The following NR2F1-AS1 variants were observed in gnomAD, a reference collection of about 807,000 sequenced individuals.
NR2F1-AS1 encodes the protein NR2F1 antisense RNA 1.
chr5:93,433,593 A>T (rs375657573), intron 4 of NR2F1-AS1, among the ~76,000 whole-genome samples: 2 of 152,166 alleles, frequency 1.3e-5, no homozygotes, highest in East Asian at 3.9e-4. Context: ...ACTTATACAA[A>T]CCTATGACAT....
At chr5:93,556,383 T>C (rs1440296221) in intron 2 of NR2F1-AS1, among the ~76,000 whole-genome samples, 2 of 152,200 alleles carry the variant, frequency 1.3e-5, no homozygotes, top group Admixed American at 6.5e-5. Flanking sequence ...CACATATCAT[T>C]ATTCCAACGT....
intron 4 of NR2F1-AS1, among the ~76,000 whole-genome samples, chr5:93,420,088 C>T (rs772672099): frequency 2.0e-5 from 3 of 152,060 alleles, no homozygotes; most frequent in Non-Finnish European, 2.9e-5. Flanking sequence ...CCCTGCTATT[C>T]GGAAGGCAGA....
intron 4 of NR2F1-AS1, among the ~76,000 whole-genome samples, chr5:93,500,347 A>G (rs984438096): frequency 4.6e-5 from 7 of 152,164 alleles, no homozygotes; most frequent in African/African-American, 1.7e-4. Flanking sequence ...CTTAAGAATT[A>G]TGCTAAATCT....
intron 4 of NR2F1-AS1, among the ~76,000 whole-genome samples, chr5:93,421,382 A>C (rs1749084651): frequency 6.7e-6 from 1 of 150,156 alleles, no homozygotes; most frequent in African/African-American, 2.4e-5. Context: ...AAAAAAAAAG[A>C]GGGAAAAGCT....
At chr5:93,457,264 A>C (rs1749971409) in intron 4 of NR2F1-AS1, among the ~76,000 whole-genome samples, 1 of 152,194 alleles carries the variant, frequency 6.6e-6, no homozygotes. Context: ...TTTCCTAGGC[A>C]GAGGTCCCTG....
At chr5:93,503,639 T>G (rs1751128160) in intron 4 of NR2F1-AS1, among the ~76,000 whole-genome samples, 1 of 152,132 alleles carries the variant, frequency 6.6e-6, no homozygotes, top group Non-Finnish European at 1.5e-5. Flanking sequence ...TTTCTGAGAG[T>G]CTGGAATTTT....
intron 4 of NR2F1-AS1, among the ~76,000 whole-genome samples, chr5:93,463,377 T>C (rs1049830343): frequency 1.3e-5 from 2 of 152,194 alleles, no homozygotes; most frequent in Admixed American, 6.5e-5. Context: ...TGTGTGGAAA[T>C]GCCCGGATGT....
intron 4 of NR2F1-AS1, among the ~76,000 whole-genome samples, chr5:93,533,207 T>C (rs982270864): frequency 1.3e-5 from 2 of 152,236 alleles, no homozygotes; most frequent in African/African-American, 4.8e-5. Context: ...TCACAAATTA[T>C]TAATGAGTAC....
chr5:93,488,115 G>T (rs1390997288), intron 4 of NR2F1-AS1, among the ~76,000 whole-genome samples: 9 of 152,142 alleles, frequency 5.9e-5, no homozygotes, highest in East Asian at 1.9e-4. Context: ...AGACTTAAAT[G>T]TAAGACCTAA....
chr5:93,451,826 C>T (rs955344795), intron 4 of NR2F1-AS1, among the ~76,000 whole-genome samples: 2 of 152,156 alleles, frequency 1.3e-5, no homozygotes, highest in Non-Finnish European at 2.9e-5. Context: ...TAAGTATTAG[C>T]GTAATCAAGA....
chr5:93,561,678 C>T (rs1021400965), intron 2 of NR2F1-AS1, among the ~76,000 whole-genome samples: 2 of 151,740 alleles, frequency 1.3e-5, no homozygotes, highest in Non-Finnish European at 2.9e-5. Context: ...GAGACTGAGG[C>T]GGAAGGATCA....
At chr5:93,565,145 G>A (rs995701377) in intron 1 of NR2F1-AS1, among the ~76,000 whole-genome samples, 1 of 152,160 alleles carries the variant, frequency 6.6e-6, no homozygotes, top group Non-Finnish European at 1.5e-5. Flanking sequence ...TCCCTGCCCT[G>A]TGACTTATTA....
chr5:93,553,126 CTTTTTT>C (rs759720424), intron 4 of NR2F1-AS1, among the ~76,000 whole-genome samples: 1 of 133,768 alleles, frequency 7.5e-6, no homozygotes, highest in Admixed American at 7.6e-5. Flanking sequence ...CAGTAATACA[CTTTTTT>C]TTTTTTTTTT....
chr5:93,479,884 G>GA (rs1448050954), intron 4 of NR2F1-AS1, among the ~76,000 whole-genome samples: 1 of 151,796 alleles, frequency 6.6e-6, no homozygotes, highest in Non-Finnish European at 1.5e-5. Context: ...TAATGGAGAT[G>GA]AAAAATATAA....
At chr5:93,460,139 C>T (rs1039127150) in intron 4 of NR2F1-AS1, among the ~76,000 whole-genome samples, 7 of 151,976 alleles carry the variant, frequency 4.6e-5, no homozygotes, top group Non-Finnish European at 8.8e-5. Flanking sequence ...TTGATGAAAA[C>T]GCCCTGGAAT....
chr5:93,501,473 C>G (rs1213424336), intron 4 of NR2F1-AS1, among the ~76,000 whole-genome samples: 1 of 151,636 alleles, frequency 6.6e-6, no homozygotes, highest in Non-Finnish European at 1.5e-5. Flanking sequence ...CCTGCCTCAG[C>G]CTCCTGAGTA....
intron 4 of NR2F1-AS1, among the ~76,000 whole-genome samples, chr5:93,532,610 T>C (rs761460437): frequency 1.3e-5 from 2 of 152,230 alleles, no homozygotes; most frequent in East Asian, 1.9e-4. Flanking sequence ...GTTTACGAAT[T>C]TGAAGTCTTA....
chr5:93,509,322 A>C (rs558093061), intron 4 of NR2F1-AS1, among the ~76,000 whole-genome samples: 12 of 152,240 alleles, frequency 7.9e-5, no homozygotes, highest in Non-Finnish European at 1.6e-4. Context: ...CAGTATCTGC[A>C]TTGTCTAATA....
intron 4 of NR2F1-AS1, among the ~76,000 whole-genome samples, chr5:93,446,499 G>A (rs1199531788): frequency 2.0e-5 from 3 of 152,198 alleles, no homozygotes; most frequent in Non-Finnish European, 4.4e-5. Context: ...TATAAGGGGT[G>A]TGAAGGACCT....
Sources: gnomAD v4.1 joint callset for allele counts (sites outside exome capture counted in the v4.1 genomes callset) on GRCh38, gnomAD v4.1.1 for gene constraint, MANE v1.5 for transcripts, NCBI Gene and HGNC (gene_info 2026-07-23, HGNC 2026-07-21) for gene names.